GPR55: variants seen among roughly 807,000 people sequenced by gnomAD.
The protein encoded by GPR55 is G protein-coupled receptor 55.
A neutral mutation model predicts 7.9 loss-of-function variants in GPR55; 6 were observed. The ratio of observed to expected loss-of-function variants is 0.76; its 90% CI spans 0.41 to 1.49. GPR55 has a LOEUF of 1.49. Among genes scored for constraint, GPR55 ranks in the 40% most tolerant of loss-of-function variants. The pLI is 0.01. For synonymous variants in GPR55, 183 were observed against 166.8 expected, an observed-to-expected ratio of 1.10 and a Z score of -0.75; for missense variants, 376 against 406.0, an observed-to-expected ratio of 0.93 and a Z score of 0.63.
At chr2:230,948,605 C>A (rs905802581) in intron 1 of GPR55, among the ~76,000 whole-genome samples, 1 of 152,156 alleles carries the variant, frequency 6.6e-6, no homozygotes, top group South Asian at 2.1e-4. Context: ...TTATATAATT[C>A]GGATTTTTTC....
intron 1 of GPR55, among the ~76,000 whole-genome samples, chr2:230,955,355 C>A (rs948372032): frequency 6.6e-6 from 1 of 152,186 alleles, no homozygotes; most frequent in African/African-American, 2.4e-5. Flanking sequence ...ATATCTGAGT[C>A]CTTGTTATGG....
At position 230,950,886 on chromosome 2, in the gene GPR55, G is replaced by A. The variant is rs993647756; in HGVS notation, c.-135+9889C>T. ...TGTCCTATGCCCTGAGAGAAGGAAC[G>A]CTGACATCATGAAGCTTCCATAAAA... On this transcript the variant is annotated intron_variant, in intron 1 of 1. Transcript: ENST00000392039. Among the ~76,000 whole-genome samples, 19 of 152,046 alleles carry A rather than the reference G, an allele frequency of 1.2e-4. 1 individual carries two copies. Among genetic ancestry groups the A allele is most frequent in the Admixed American group, 1.2e-3 (18 of 15,266 alleles).
intron 1 of GPR55, chr2:230,957,722 G>T (rs1691514000): frequency 1.8e-6 from 1 of 549,954 alleles, no homozygotes; most frequent in Admixed American, 1.9e-5. Flanking sequence ...ATCTGTTGTG[G>T]CTGGCTTTGG....
intron 1 of GPR55, among the ~76,000 whole-genome samples, chr2:230,956,761 G>T (rs545900783): frequency 2.0e-5 from 3 of 152,144 alleles, no homozygotes; most frequent in African/African-American, 7.2e-5. Flanking sequence ...ATTTAATCAG[G>T]GTTCATGTGT....
At chr2:230,913,848 G>A (rs1690651039) in intron 1 of GPR55, among the ~76,000 whole-genome samples, 1 of 152,230 alleles carries the variant, frequency 6.6e-6, no homozygotes, top group Non-Finnish European at 1.5e-5. Context: ...TTGGCTTGGA[G>A]AAGTTGTCTT....
chr2:230,917,945 T>C (rs1690752787), intron 1 of GPR55, among the ~76,000 whole-genome samples: 1 of 151,678 alleles, frequency 6.6e-6, no homozygotes, highest in Admixed American at 6.6e-5. Flanking sequence ...AAAAAAAAAA[T>C]TCACAGGATA....
At chr2:230,960,339 G>C (rs540236778) in intron 1 of GPR55, among the ~76,000 whole-genome samples, 5 of 152,176 alleles carry the variant, frequency 3.3e-5, no homozygotes, top group Non-Finnish European at 7.3e-5. Flanking sequence ...AGGAAGGTAA[G>C]ATACAGAAGT....
rs1441548496 is a variant in GPR55, at chr2:230,924,746, C to CG, written c.-135+421dup. On this transcript the variant is annotated intron_variant, in intron 1 of 1. Transcript: ENST00000650999. This position sits in a 1 kb window ranked among gnomAD's most constrained non-coding sequence, Gnocchi z 4.5. ...GATGATCCCTGAGAGTGTGTCATCT[C>CG]GGGCGCTTGGTGGTTTCCCAACAAG... is the stretch of plus-strand genomic sequence containing the variant. 6.6e-6 allele frequency: 1 copy of CG among 152,050 alleles called. No individual in the cohort carries two copies. The highest frequency in any genetic ancestry group is 1.5e-5 in the Non-Finnish European group (1 of 68,024). The allele number at this position is 152,050 out of a possible 1,614,324, so 9.4% of individuals were successfully genotyped here.
intron 1 of GPR55, among the ~76,000 whole-genome samples, chr2:230,941,086 C>A (rs898646693): frequency 6.6e-6 from 1 of 151,746 alleles, no homozygotes. Flanking sequence ...CACTGCACTC[C>A]AGCCCGGGCG....
intron 1 of GPR55, among the ~76,000 whole-genome samples, chr2:230,942,824 G>T (rs779179954): frequency 1.2e-3 from 177 of 152,052 alleles, no homozygotes; most frequent in Non-Finnish European, 2.2e-3. Context: ...ACAAGAATGG[G>T]GTAAGGGGGA....
At chr2:230,947,503 CTTTTT>C (rs1324311132) in intron 1 of GPR55, among the ~76,000 whole-genome samples, 2 of 135,342 alleles carry the variant, frequency 1.5e-5, no homozygotes, top group Non-Finnish European at 1.6e-5. Context: ...ACTTTATGAC[CTTTTT>C]TTTTTTTTTT....
intron 1 of GPR55, among the ~76,000 whole-genome samples, chr2:230,943,089 G>GAGAGAGAGAGGAGAGAA (rs1298026790): frequency 6.6e-6 from 1 of 151,172 alleles, no homozygotes; most frequent in Admixed American, 6.6e-5. Context: ...AGGAGAGAAA[G>GAGAGAGAGAGGAGAGAA]AGAGAGAGAG....
chr2:230,918,652 T>C (rs16827664), intron 1 of GPR55, among the ~76,000 whole-genome samples: 39,942 of 152,002 alleles, frequency 0.26, 5,470 homozygotes, highest in East Asian at 0.42. Flanking sequence ...TATGCAAACA[T>C]CCTAATTAAA....
At chr2:230,939,785 C>T (rs888270176) in intron 1 of GPR55, among the ~76,000 whole-genome samples, 7 of 152,110 alleles carry the variant, frequency 4.6e-5, no homozygotes, top group Admixed American at 3.3e-4. Flanking sequence ...GAACGGCCAG[C>T]CGGCATCCCC....
intron 1 of GPR55, among the ~76,000 whole-genome samples, chr2:230,952,939 T>A (rs1396849836): frequency 6.6e-6 from 1 of 152,242 alleles, no homozygotes; most frequent in Non-Finnish European, 1.5e-5. Context: ...TGCCAAGGTG[T>A]TTCCCCAGCT....
intron 1 of GPR55, among the ~76,000 whole-genome samples, chr2:230,948,252 T>C (rs936909360): frequency 3.3e-5 from 5 of 152,084 alleles, no homozygotes; most frequent in Non-Finnish European, 5.9e-5. Flanking sequence ...CCAGCTGAGC[T>C]ATCAGCCCCT....
intron 1 of GPR55, among the ~76,000 whole-genome samples, chr2:230,917,488 C>A (rs1690743145): frequency 6.6e-6 from 1 of 152,110 alleles, no homozygotes; most frequent in Non-Finnish European, 1.5e-5. Context: ...TACTCTCTGA[C>A]CTCATACACA....
intron 1 of GPR55, among the ~76,000 whole-genome samples, chr2:230,942,650 G>A (rs1691251678): frequency 6.6e-6 from 1 of 151,664 alleles, no homozygotes; most frequent in Non-Finnish European, 1.5e-5. Flanking sequence ...GGGAGGGTGG[G>A]CCATGGGGGA....
intron 1 of GPR55, among the ~76,000 whole-genome samples, chr2:230,922,521 A>G (rs975279623): frequency 6.6e-6 from 1 of 152,148 alleles, no homozygotes; most frequent in Non-Finnish European, 1.5e-5. Flanking sequence ...GACTACAGGC[A>G]TGCATCACCA....
Sources: allele counts gnomAD v4.1 joint callset (sites outside exome capture counted in the v4.1 genomes callset), GRCh38; gene constraint gnomAD v4.1.1; non-coding constraint Gnocchi (gnomAD v3.1); transcripts MANE v1.5; gene names NCBI Gene and HGNC (gene_info 2026-07-23, HGNC 2026-07-21).